The following ZIM3 variants were observed in gnomAD, a reference collection of about 807,000 sequenced individuals.
The protein encoded by ZIM3 is zinc finger protein 657.
Under a neutral mutation model 12.9 loss-of-function variants are expected in ZIM3, and 11 were observed. The observed-to-expected ratio is 0.85, with a 90% confidence interval of 0.54 to 1.41. The LOEUF (loss-of-function observed/expected upper bound fraction) is 1.41. ZIM3 is among the 40% of genes most tolerant of loss of function. ZIM3 has a pLI of 0.00. For synonymous variants in ZIM3, 205 were observed against 198.5 expected (o/e 1.03, Z -0.28); for missense variants, 604 against 557.2 (o/e 1.08, Z -0.85).
rs17305549 is a variant in ZIM3 at position 57,134,850 on chromosome 19, C to T, written c.*68G>A. The T allele has an allele frequency of 0.047, 69,895 of 1,488,714 alleles. 5,774 individuals carry two copies. Among genetic ancestry groups the T allele is most frequent in the East Asian group, 0.43 (19,066 of 43,994 alleles). 92.2% of individuals were successfully genotyped at this position (1,488,714 alleles called of 1,614,324 possible). On this transcript the variant is annotated 3_prime_UTR_variant, in exon 5 of 5. Transcript: ENST00000269834. The stretch of plus-strand genomic sequence containing the variant: ...GCCTCCAAATTAGAGGCCATTTCAA[C>T]ATGGAATTCTGGGGTGACAATTCCA...
chr19:57,139,020 A>G (rs1265191331), intron 2 of ZIM3, among the ~76,000 whole-genome samples: 5 of 151,958 alleles, frequency 3.3e-5, no homozygotes, highest in African/African-American at 7.2e-5. Flanking sequence ...CAAAACCCCT[A>G]TCTCAAAGAA....
At chr19:57,137,503 A>T (rs1431815929) in intron 3 of ZIM3, among the ~76,000 whole-genome samples, 1 of 151,906 alleles carries the variant, frequency 6.6e-6, no homozygotes, top group East Asian at 1.9e-4. Context: ...ATCTGAGGTC[A>T]GGAGTTCAAG....
In ZIM3 at chr19:57,134,571, C is replaced by T; in HGVS notation, c.*347G>A. ...CTGGGATTACAGGCATTTGAGCCAC[C>T]ACGCCTGGCCAAAAGTATAGTCTTT... On this transcript the variant is annotated 3_prime_UTR_variant, in exon 5 of 5. Transcript: ENST00000269834. The T allele has an allele frequency of 5.3e-6, 1 of 188,798 alleles. No individual in the cohort carries two copies. The highest frequency in any genetic ancestry group is 1.1e-5 in the Non-Finnish European group (1 of 90,412). The allele number at this position is 188,798 out of a possible 1,614,324, so 11.7% of individuals were successfully genotyped here. A position where few individuals can be genotyped will look rare whatever the true frequency, so the allele number is the denominator to read the frequency against.
chr19:57,142,490 A>G, intron 2 of ZIM3, 139 bp downstream of exon 2: 1 of 858,774 alleles, frequency 1.2e-6, no homozygotes. Context: ...CAGAAAGTAG[A>G]GTGTGTGTTA....
At position 57,135,795 on chromosome 19, in the gene ZIM3, C is replaced by T. The variant is rs144011680; in HGVS notation, c.542G>A (p.Arg181His). 33 of 1,613,892 alleles carry T rather than the reference C, an allele frequency of 2.0e-5. No individual in the cohort carries two copies. In the African/African-American group the frequency reaches 2.1e-4, roughly 10 times the overall value. ...ACRKLFSSKS[R>H]LQSHLRRHAC... The stretch of plus-strand genomic sequence containing the variant: ...ATGCCTCCTCAGGTGACTTTGAAGG[C>T]GTGACTTTGAACTGAATAACTTTCT... Residue 181 changes from arginine to histidine, a missense_variant, in exon 5 of 5, where the codon CGC becomes CAC. Coordinates refer to ENST00000269834, the MANE Select transcript of ZIM3 (RefSeq NM_052882.1).
rs1403374228 is a variant in ZIM3, at chr19:57,142,621, A to G, written c.15+8T>C. ...ATTATGAGATTTAGATTTTTTTGAA[A>G]AGCTCACCTGGGAATTGTTCATTTC... is the stretch of plus-strand genomic sequence containing the variant. On this transcript the variant is annotated splice_region_variant and intron_variant, in intron 2 of 4. Transcript: ENST00000269834. 6.2e-7 allele frequency: 1 copy of G among 1,613,528 alleles called. No individual in the cohort carries two copies. The highest frequency in any genetic ancestry group is 1.1e-5 in the South Asian group (1 of 91,046).
intron 4 of ZIM3, among the ~76,000 whole-genome samples, chr19:57,136,669 A>AG (rs1568458415): frequency 1.3e-5 from 1 of 77,700 alleles, no homozygotes; most frequent in Non-Finnish European, 2.5e-5. Context: ...CCAGAAAAAA[A>AG]AAAAAAAGAA....
intron 2 of ZIM3, among the ~76,000 whole-genome samples, chr19:57,140,587 A>G (rs2122667901): frequency 6.6e-6 from 1 of 151,612 alleles, no homozygotes; most frequent in East Asian, 1.9e-4. Flanking sequence ...CAATCCTCCT[A>G]CCTCAGCCTC....
At chr19:57,143,342 A>G (rs1448625139) in intron 1 of ZIM3, among the ~76,000 whole-genome samples, 1 of 143,550 alleles carries the variant, frequency 7.0e-6, no homozygotes, top group African/African-American at 2.6e-5. Context: ...AAAAAAAAAA[A>G]AAAGAGAGAG....
At chr19:57,144,115 G>A (rs2086926992) in intron 1 of ZIM3, among the ~76,000 whole-genome samples, 3 of 152,134 alleles carry the variant, frequency 2.0e-5, no homozygotes, top group Admixed American at 6.6e-5. Context: ...GCAGTGATGT[G>A]ATCCCGGCTC....
intron 1 of ZIM3, 143 bp from the exon 2 acceptor site, chr19:57,142,828 C>A: frequency 1.8e-6 from 1 of 570,902 alleles, no homozygotes. Context: ...TCAGTGATCC[C>A]CTTCTGAAGG....
chr19:57,142,597 T>C (rs951377714), intron 2 of ZIM3, 32 bp downstream of exon 2: 2 of 1,611,874 alleles, frequency 1.2e-6, no homozygotes, highest in Admixed American at 3.3e-5. Context: ...CGTTTATTCA[T>C]TATGAGATTT....
chr19:57,136,876 C>A lies in ZIM3; in HGVS notation c.238G>T (p.Ala80Ser), dbSNP rs1024020441. The A allele has an allele frequency of 6.2e-7, 1 of 1,613,940 alleles. No individual in the cohort carries two copies. The highest frequency in any genetic ancestry group is 1.3e-5 in the African/African-American group (1 of 74,900). The change falls in exon 4 of 5, where the codon GCA (alanine) becomes TCA (serine). Residue 80 changes from alanine to serine, a missense_variant. By Grantham distance (99) the Ala-to-Ser change is moderately conservative. Transcript: ENST00000269834. The part of the protein sequence containing the change: ...EEEEVLGSGR[A>S]EKNGDIGGQI... ...CAGTGCTCTCCTGGTCACCTACCTG[C>A]ACGGCCACTTCCCAGCACTTCCTCT... is the stretch of plus-strand genomic sequence containing the variant.
chr19:57,142,542 A>C, intron 2 of ZIM3, 87 bp downstream of exon 2: 1 of 1,435,492 alleles, frequency 7.0e-7, no homozygotes, highest in Non-Finnish European at 9.7e-7. Context: ...AAATATGCCA[A>C]AAGGTTAGCA....
chr19:57,140,686 G>T (rs2086909827), intron 2 of ZIM3, among the ~76,000 whole-genome samples: 2 of 151,906 alleles, frequency 1.3e-5, no homozygotes, highest in Admixed American at 1.3e-4. Context: ...TGTCCAGGCT[G>T]GTCTTGAACT....
rs147006983 is a variant in ZIM3, at chr19:57,141,423, A to C, written c.15+1206T>G. On this transcript the variant is annotated intron_variant, in intron 2 of 4. Transcript: ENST00000269834. ...CAAAAAAAAAAAAAAAAAAAAAAAC[A>C]ACAAAACAAAGATGCTTGAGCTGAA... 4.9e-3 allele frequency among the ~76,000 whole-genome samples: 701 copies of C among 143,080 alleles called. 4 individuals carry two copies. Among genetic ancestry groups the C allele is most frequent in the African/African-American group, 0.018 (672 of 37,714 alleles). 93.9% of individuals were successfully genotyped at this position (143,080 alleles called of 152,430 possible).
At chr19:57,141,422 C>T (rs1017330943) in intron 2 of ZIM3, among the ~76,000 whole-genome samples, 5 of 122,392 alleles carry the variant, frequency 4.1e-5, no homozygotes, top group African/African-American at 1.6e-4. Context: ...AAAAAAAAAA[C>T]AACAAAACAA....
At chr19:57,138,253 G>A (rs1317091450) in intron 3 of ZIM3, among the ~76,000 whole-genome samples, 2 of 152,140 alleles carry the variant, frequency 1.3e-5, no homozygotes, top group Non-Finnish European at 2.9e-5. Context: ...ACTTACAGAG[G>A]CCCTCACTCA....
intron 2 of ZIM3, among the ~76,000 whole-genome samples, chr19:57,141,398 C>CAAAAAAAA (rs66633580): frequency 1.1e-4 from 12 of 105,446 alleles, no homozygotes; most frequent in East Asian, 3.2e-4. Context: ...GAGACTGTCT[C>CAAAAAAAA]AAAAAAAAAA....
Sources: gnomAD v4.1 joint callset for allele counts (sites outside exome capture counted in the v4.1 genomes callset) on GRCh38, gnomAD v4.1.1 for gene constraint, MANE v1.5 for transcripts, NCBI Gene and HGNC (gene_info 2026-07-23, HGNC 2026-07-21) for gene names.